DAB2IP: variants seen among roughly 807,000 people sequenced by gnomAD.
DAB2IP encodes the protein disabled homolog 2-interacting protein.
Under a neutral mutation model 107.2 loss-of-function variants are expected in DAB2IP, and 28 were observed. That is an observed-to-expected ratio of 0.26 (90% confidence interval 0.19 to 0.36). DAB2IP has a LOEUF of 0.36. DAB2IP is among the 10% of genes least tolerant of loss of function. The pLI is 1.00. For missense variants in DAB2IP, 1,400 were observed against 1,644.7 expected, an observed-to-expected ratio of 0.85 and a Z score of 2.57; for synonymous variants, 755 against 706.4, an observed-to-expected ratio of 1.07 and a Z score of -1.09.
At chr9:121,581,264 T>C (rs1830188599) in intron 1 of DAB2IP, among the ~76,000 whole-genome samples, 1 of 152,166 alleles carries the variant, frequency 6.6e-6, no homozygotes. Flanking sequence ...GTGGGGTTCC[T>C]GGACTGGCTA....
chr9:121,783,645 G>A, exon 16 of DAB2IP: 3 of 1,462,128 alleles, frequency 2.1e-6, no homozygotes, highest in African/African-American at 1.4e-5. Flanking sequence ...TGTTAGACTT[G>A]CTCCCTCTCC....
At chr9:121,607,827 G>GTCTGACTTGGT (rs1488285285) in intron 1 of DAB2IP, among the ~76,000 whole-genome samples, 1 of 152,222 alleles carries the variant, frequency 6.6e-6, no homozygotes, top group East Asian at 1.9e-4. Context: ...ACTCTTCTCA[G>GTCTGACTTGGT]CATCTTTGGT....
chr9:121,623,135 C>G (rs929332869), intron 1 of DAB2IP, among the ~76,000 whole-genome samples: 2 of 152,166 alleles, frequency 1.3e-5, no homozygotes, highest in African/African-American at 4.8e-5. Context: ...ATGACATTGG[C>G]TTGACATGCC....
chr9:121,718,680 G>A (rs1252739477), intron 3 of DAB2IP, among the ~76,000 whole-genome samples: 1 of 152,252 alleles, frequency 6.6e-6, no homozygotes, highest in East Asian at 1.9e-4. Context: ...TTGTCAAGAG[G>A]AATGAATGGG....
chr9:121,653,252 TA>T, intron 1 of DAB2IP, among the ~76,000 whole-genome samples: 1 of 91,976 alleles, frequency 1.1e-5, no homozygotes, highest in Non-Finnish European at 2.6e-5. Flanking sequence ...GAGGGAGTAC[TA>T]AGCCTTTAGT....
intron 6 of DAB2IP, among the ~76,000 whole-genome samples, chr9:121,762,729 C>T (rs1833983382): frequency 1.3e-5 from 2 of 152,204 alleles, no homozygotes; most frequent in African/African-American, 4.8e-5. Context: ...TTTTCTTCCC[C>T]TCCCCCAAGC....
chr9:121,650,810 C>A (rs571369516), upstream of DAB2IP, among the ~76,000 whole-genome samples: 69 of 152,204 alleles, frequency 4.5e-4, 1 homozygote, highest in African/African-American at 1.5e-3. Flanking sequence ...GAAGGCAGTC[C>A]CTGCTGGCAG....
intron 1 of DAB2IP, among the ~76,000 whole-genome samples, chr9:121,624,613 T>C (rs886833098): frequency 4.6e-5 from 7 of 152,256 alleles, no homozygotes; most frequent in African/African-American, 1.7e-4. Context: ...TGCAATTGCC[T>C]ACAGTATTCA....
chr9:121,687,910 G>C (rs111286654), intron 2 of DAB2IP, among the ~76,000 whole-genome samples: 1 of 152,186 alleles, frequency 6.6e-6, no homozygotes, highest in Non-Finnish European at 1.5e-5. Flanking sequence ...AGGATGTTGA[G>C]GCCCAGAGAG....
chr9:121,605,734 A>T (rs1830847675), intron 1 of DAB2IP, among the ~76,000 whole-genome samples: 1 of 152,044 alleles, frequency 6.6e-6, no homozygotes, highest in Admixed American at 6.5e-5. Flanking sequence ...TTGAACTCCT[A>T]GGCTCAAGCA....
chr9:121,642,284 A>C (rs1303774435), intron 1 of DAB2IP, among the ~76,000 whole-genome samples: 1 of 151,316 alleles, frequency 6.6e-6, no homozygotes, highest in East Asian at 2.0e-4. Flanking sequence ...TCTGTCGCCC[A>C]GGCTGGAGTG....
At chr9:121,720,794 C>T (rs1178359263) in intron 3 of DAB2IP, among the ~76,000 whole-genome samples, 2 of 152,182 alleles carry the variant, frequency 1.3e-5, no homozygotes, top group African/African-American at 4.8e-5. Context: ...CCAGCAGGAG[C>T]AGGGGCCTCC....
At chr9:121,774,140 G>T in intron 12 of DAB2IP, 120 bp from the exon 13 acceptor site, 1 of 1,155,360 alleles carries the variant, frequency 8.7e-7, no homozygotes. Flanking sequence ...GTCAGCTGGA[G>T]GTCCCCTCTT....
chr9:121,768,018 T>C (rs1053134570), intron 9 of DAB2IP, among the ~76,000 whole-genome samples: 1 of 151,914 alleles, frequency 6.6e-6, no homozygotes, highest in East Asian at 1.9e-4. Context: ...GATGATGACT[T>C]CAGGTGTGGC....
rs1285350014 is a variant in DAB2IP, at chr9:121,699,733, A to G, written c.362+275A>G. Among the ~76,000 whole-genome samples the G allele has an allele frequency of 6.6e-6, 1 of 152,152 alleles. No homozygotes were observed. The highest frequency in any genetic ancestry group is 1.5e-5 in the Non-Finnish European group (1 of 68,010). ...GAGGCCGGGCGCGAAGTCCCCTCGCAGGGAAGTCCTGCCTCGCCTGTCCGA... is the reference window on the plus strand; with the variant it reads ...GAGGCCGGGCGCGAAGTCCCCTCGCGGGGAAGTCCTGCCTCGCCTGTCCGA... On this transcript the variant is annotated intron_variant, in intron 3 of 15. Coordinates refer to ENST00000408936, the Ensembl canonical transcript of DAB2IP. The surrounding 1 kb of genome is among the most constrained non-coding windows in gnomAD (Gnocchi z 6.2).
intron 1 of DAB2IP, among the ~76,000 whole-genome samples, chr9:121,671,126 G>A (rs1326209815): frequency 6.6e-6 from 1 of 152,066 alleles, no homozygotes; most frequent in Non-Finnish European, 1.5e-5. Flanking sequence ...ACTGCAGCCT[G>A]GCAACAGAGT....
chr9:121,609,933 T>A (rs1052979995), intron 1 of DAB2IP, among the ~76,000 whole-genome samples: 1 of 152,182 alleles, frequency 6.6e-6, no homozygotes, highest in African/African-American at 2.4e-5. Context: ...AGCCTGCAGG[T>A]TCCCAGAGAG....
At chr9:121,723,581 C>A (rs781564833) in intron 3 of DAB2IP, among the ~76,000 whole-genome samples, 3 of 152,248 alleles carry the variant, frequency 2.0e-5, no homozygotes, top group East Asian at 1.9e-4. Context: ...GAACTCTCCC[C>A]ACCCTGGTTT....
chr9:121,738,928 C>T (rs1244868361), intron 3 of DAB2IP, among the ~76,000 whole-genome samples: 2 of 152,212 alleles, frequency 1.3e-5, no homozygotes, highest in African/African-American at 4.8e-5. Context: ...AAGAAATAAG[C>T]AGAGAAACAA....
Sources: gnomAD v4.1 joint callset for allele counts (sites outside exome capture counted in the v4.1 genomes callset) on GRCh38, gnomAD v4.1.1 for gene constraint, Gnocchi (gnomAD v3.1) non-coding constraint, MANE v1.5 for transcripts, NCBI Gene and HGNC (gene_info 2026-07-23, HGNC 2026-07-21) for gene names.